The following ARRDC4 variants were observed in gnomAD, a reference collection of about 807,000 sequenced individuals.
ARRDC4 encodes the protein arrestin domain-containing protein 4.
ARRDC4 carries 40 observed loss-of-function variants against 44.6 expected under a neutral mutation model. That is an observed-to-expected ratio of 0.90 (90% CI 0.70 to 1.17). The LOEUF is 1.17. Among genes scored for constraint, ARRDC4 ranks in the 50% most tolerant of loss-of-function variants. The pLI is 0.00. For synonymous variants in ARRDC4, 211 were observed against 221.2 expected (o/e 0.95, Z 0.41); for missense variants, 550 against 559.1 (o/e 0.98, Z 0.16).
Position 97,970,540 on chromosome 15 carries a change from G to A in ARRDC4, c.1046-49G>A. On this transcript the variant is annotated intron_variant, in intron 6 of 7. Coordinates refer to ENST00000268042, the MANE Select transcript of ARRDC4 (RefSeq NM_183376.3). This position sits in a 1 kb window ranked among gnomAD's most constrained non-coding sequence, Gnocchi z 4.2. ...TGTTTTTGTAGCAGTTAAGAATCGA[G>A]ATTAATTTTTGAGTGGATTTCTTAA... is the stretch of plus-strand genomic sequence containing the variant. 6.4e-7 allele frequency: 1 copy of A among 1,557,194 alleles called. No individual in the cohort carries two copies. Among genetic ancestry groups the A allele is most frequent in the Non-Finnish European group, 8.8e-7 (1 of 1,142,320 alleles).
chr15:97,970,735 TATTCAGAGGTAAGC>T lies in ARRDC4; in HGVS notation c.1194_1200+7del, dbSNP rs1262932800. The T allele has an allele frequency of 6.2e-7, 1 of 1,608,756 alleles. No individual in the cohort carries two copies. ...ATTCCGGTTTCAACCCCCACCTCTT[TATTCAGAGGTAAGC>T]AAAGCAAAAGAAAATTAGACTTTTA... On this transcript the variant is annotated splice_donor_variant and splice_donor_5th_base_variant and coding_sequence_variant and intron_variant, in exon 7 of 8. Coordinates refer to ENST00000268042, the MANE Select transcript of ARRDC4 (RefSeq NM_183376.3). LOFTEE classifies it high-confidence loss of function. The surrounding 1 kb of genome is among the most constrained non-coding windows in gnomAD (Gnocchi z 4.2).
chr15:97,961,418 C>T (rs1472373149), intron 1 of ARRDC4, among the ~76,000 whole-genome samples: 1 of 151,980 alleles, frequency 6.6e-6, no homozygotes, highest in Non-Finnish European at 1.5e-5. Flanking sequence ...AGGACCGCGA[C>T]GGGAGGGGGC....
At chr15:97,964,541 A>T (rs1351261039) in intron 1 of ARRDC4, among the ~76,000 whole-genome samples, 1 of 152,210 alleles carries the variant, frequency 6.6e-6, no homozygotes, top group East Asian at 1.9e-4. Context: ...TGGTGCCTTC[A>T]TCAGAGGTTT....
intron 5 of ARRDC4, 56 bp downstream of exon 5, chr15:97,969,435 A>G: frequency 1.9e-6 from 3 of 1,578,548 alleles, no homozygotes; most frequent in South Asian, 2.2e-5. Context: ...AACTGATGTC[A>G]TGTTACTGTG....
Position 97,960,855 on chromosome 15 carries a change from C to T in ARRDC4, c.-7C>T, listed in dbSNP as rs939718188. The T allele has an allele frequency of 2.2e-6, 3 of 1,343,528 alleles. No individual in the cohort carries two copies. The highest frequency in any genetic ancestry group is 3.1e-5 in the East Asian group (1 of 31,998). 83.2% of individuals were successfully genotyped at this position (1,343,528 alleles called of 1,614,324 possible). A position where few individuals can be genotyped will look rare whatever the true frequency, so the allele number is the denominator to read the frequency against. ...ACCTCAGGGGCAGGAAAGAGTCGCCCGGCGGGATGGGCGGGGAGGCTGGGT... is the reference window on the plus strand; with the variant it reads ...ACCTCAGGGGCAGGAAAGAGTCGCCTGGCGGGATGGGCGGGGAGGCTGGGT... On this transcript the variant is annotated 5_prime_UTR_variant, in exon 1 of 8. Transcript: ENST00000268042.
In ARRDC4 at chr15:97,972,667, G is replaced by C. The variant is rs1596306509; in HGVS notation, c.*1480G>C. The C allele has an allele frequency of 2.0e-5, 3 of 152,620 alleles. No individual in the cohort carries two copies. The highest frequency in any genetic ancestry group is 7.2e-5 in the African/African-American group (3 of 41,520). The allele number at this position is 152,620 out of a possible 1,614,324, so 9.5% of individuals were successfully genotyped here. ...ACTTTGGTTTTCTTCATGTCCTAAG[G>C]GTTTGATCCAGAAACCCTGGTGCTT... On this transcript the variant is annotated 3_prime_UTR_variant, in exon 8 of 8. Coordinates refer to ENST00000268042, the MANE Select transcript of ARRDC4 (RefSeq NM_183376.3). The surrounding 1 kb of genome is among the most constrained non-coding windows in gnomAD (Gnocchi z 5.3).
chr15:97,963,173 A>G (rs1280522739), intron 1 of ARRDC4, among the ~76,000 whole-genome samples: 1 of 152,114 alleles, frequency 6.6e-6, no homozygotes, highest in Non-Finnish European at 1.5e-5. Context: ...ACCTTTAATT[A>G]TGAGCTTTGG....
intron 1 of ARRDC4, 96 bp downstream of exon 1, chr15:97,961,264 T>G (rs1472013957): frequency 6.0e-6 from 7 of 1,167,382 alleles, no homozygotes; most frequent in African/African-American, 1.6e-5. Context: ...ACCTGGCAGG[T>G]GAGATCAGGG....
Position 97,970,708 on chromosome 15 carries a change from G to A in ARRDC4, c.1165G>A (p.Glu389Lys), listed in dbSNP as rs201615841. 1.2e-4 allele frequency: 195 copies of A among 1,613,454 alleles called. No homozygotes were observed. The highest frequency in any genetic ancestry group is 1.6e-4 in the Non-Finnish European group (185 of 1,179,634). The part of the protein sequence containing the change: ...VCCPVFACIQ[E>K]FRFQPPPLYS... ...CTGTCCTGTGTTTGCCTGTATACAAGAATTCCGGTTTCAACCCCCACCTCT... is the reference window on the plus strand; with the variant it reads ...CTGTCCTGTGTTTGCCTGTATACAAAAATTCCGGTTTCAACCCCCACCTCT... The change falls in exon 7 of 8, where the codon GAA becomes AAA. Residue 389 changes from glutamate to lysine, a missense_variant. Transcript: ENST00000268042. The surrounding 1 kb of genome is among the most constrained non-coding windows in gnomAD (Gnocchi z 4.2).
Position 97,971,487 on chromosome 15 carries a change from G to A in ARRDC4, c.*300G>A, listed in dbSNP as rs1470352119. On this transcript the variant is annotated 3_prime_UTR_variant, in exon 8 of 8. Coordinates refer to ENST00000268042, the MANE Select transcript of ARRDC4 (RefSeq NM_183376.3). ...TAAGTGAAAGGGTGCCTGCGCTGAC[G>A]TGAGAGAAAGGAATCTGTAAACAGT... 2 of 358,946 alleles carry A rather than the reference G, an allele frequency of 5.6e-6. No homozygotes were observed. Among genetic ancestry groups the A allele is most frequent in the African/African-American group, 2.1e-5 (1 of 47,838 alleles). 22.2% of individuals were successfully genotyped at this position (358,946 alleles called of 1,614,324 possible).
At position 97,966,400 on chromosome 15, in the gene ARRDC4, T is replaced by C. The variant is rs539734839; in HGVS notation, c.522+358T>C. ...GGCCACATTTACAGGACTGGGGTAT[T>C]CTAAACTCCTCAATAATAGCAGGTT... On this transcript the variant is annotated intron_variant, in intron 3 of 7. Coordinates refer to ENST00000268042, the MANE Select transcript of ARRDC4 (RefSeq NM_183376.3). The surrounding 1 kb of genome is among the most constrained non-coding windows in gnomAD (Gnocchi z 4.7). 6.6e-6 allele frequency among the ~76,000 whole-genome samples: 1 copy of C among 152,268 alleles called. No individual in the cohort carries two copies. Among genetic ancestry groups the C allele is most frequent in the Admixed American group, 6.5e-5 (1 of 15,288 alleles).
At position 97,966,127 on chromosome 15, in the gene ARRDC4, C is replaced by T; in HGVS notation, c.522+85C>T. The T allele has an allele frequency of 6.8e-7, 1 of 1,460,766 alleles. No individual in the cohort carries two copies. Among genetic ancestry groups the T allele is most frequent in the East Asian group, 2.4e-5 (1 of 41,436 alleles). 90.5% of individuals were successfully genotyped at this position (1,460,766 alleles called of 1,614,324 possible). On this transcript the variant is annotated intron_variant, in intron 3 of 7. Coordinates refer to ENST00000268042, the MANE Select transcript of ARRDC4 (RefSeq NM_183376.3). This position sits in a 1 kb window ranked among gnomAD's most constrained non-coding sequence, Gnocchi z 4.7. ...TTTCAACAGTGGGATCTATATTTAGCCAGTTTACTGGTAGTCTGTCCTGTC... is the reference window on the plus strand; with the variant it reads ...TTTCAACAGTGGGATCTATATTTAGTCAGTTTACTGGTAGTCTGTCCTGTC...
intron 4 of ARRDC4, 73 bp from the exon 5 acceptor site, chr15:97,969,050 A>G: frequency 6.8e-7 from 1 of 1,461,776 alleles, no homozygotes. Flanking sequence ...TTTCAGCTAT[A>G]CGGCCCTAAT....
At position 97,965,664 on chromosome 15, in the gene ARRDC4, T is replaced by C. The variant is rs1313081199; in HGVS notation, c.372T>C (p.Ser124=). ...TTCCATTTCGCTTTCAACTTCCATC[T>C]GAGTAAGTGAAACACTACAATTTTG... is the stretch of plus-strand genomic sequence containing the variant. ...HEFPFRFQLP[S]EPLVTSFTGK... is the part of the protein sequence containing the mutation. Residue 124 remains serine, a splice_region_variant and synonymous_variant, in exon 2 of 8, where the codon TCT becomes TCC. Coordinates refer to ENST00000268042, the MANE Select transcript of ARRDC4 (RefSeq NM_183376.3). This position sits in a 1 kb window ranked among gnomAD's most constrained non-coding sequence, Gnocchi z 5.1. 5.0e-6 allele frequency: 8 copies of C among 1,612,740 alleles called. No individual in the cohort carries two copies. Among genetic ancestry groups the C allele is most frequent in the Non-Finnish European group, 5.9e-6 (7 of 1,178,748 alleles).
At chr15:97,961,750 T>C (rs1161481407) in intron 1 of ARRDC4, among the ~76,000 whole-genome samples, 2 of 152,158 alleles carry the variant, frequency 1.3e-5, no homozygotes, top group Admixed American at 6.5e-5. Context: ...TACCTCTACC[T>C]GATACTGCTG....
In ARRDC4 at chr15:97,970,660, CCTAA is replaced by C. The variant is rs555699515; in HGVS notation, c.1120_1123del (p.Asn374ValfsTer34). On this transcript the variant is annotated frameshift_variant, in exon 7 of 8. Transcript: ENST00000268042. LOFTEE classifies it high-confidence loss of function. This position sits in a 1 kb window ranked among gnomAD's most constrained non-coding sequence, Gnocchi z 4.2. Reference sequence around the variant, plus strand: ...ACACATTCCTCCTTACCCTCAACCCCCTAACTGTGAGGGAGAAGTGTGCTGTCCT... The same window carrying C: ...ACACATTCCTCCTTACCCTCAACCCCCTGTGAGGGAGAAGTGTGCTGTCCT... 1.0e-4 allele frequency: 163 copies of C among 1,613,398 alleles called. No homozygotes were observed. The African/African-American group carries it at 2.0e-3, about 20-fold the overall frequency.
chr15:97,962,203 A>G (rs1018860275), intron 1 of ARRDC4, among the ~76,000 whole-genome samples: 7 of 152,292 alleles, frequency 4.6e-5, no homozygotes, highest in South Asian at 2.1e-4. Flanking sequence ...GTTTTGCCCT[A>G]TCCTACTGTG....
At position 97,968,218 on chromosome 15, in the gene ARRDC4, T is replaced by C; in HGVS notation, c.625+102T>C. ...GTTTTTTGTAATTATATGACGTGTA[T>C]AGTATTTTAAAACATGAATAGTGAT... On this transcript the variant is annotated intron_variant, in intron 4 of 7. Transcript: ENST00000268042. The surrounding 1 kb of genome is among the most constrained non-coding windows in gnomAD (Gnocchi z 5.4). 1 of 596,506 alleles carries C rather than the reference T, an allele frequency of 1.7e-6. No individual in the cohort carries two copies. Among genetic ancestry groups the C allele is most frequent in the Middle Eastern group, 3.9e-4 (1 of 2,548 alleles). The allele number at this position is 596,506 out of a possible 1,614,324, so 37.0% of individuals were successfully genotyped here. A position where few individuals can be genotyped will look rare whatever the true frequency, so the allele number is the denominator to read the frequency against.
At chr15:97,969,772 A>T in intron 5 of ARRDC4, 111 bp from the exon 6 acceptor site, 1 of 976,480 alleles carries the variant, frequency 1.0e-6, no homozygotes, top group Non-Finnish European at 1.5e-6. Flanking sequence ...GGGTGGTGGC[A>T]GCCGACAAAA....
Sources: allele counts gnomAD v4.1 joint callset (sites outside exome capture counted in the v4.1 genomes callset), GRCh38; gene constraint gnomAD v4.1.1; non-coding constraint Gnocchi (gnomAD v3.1); transcripts MANE v1.5; gene names NCBI Gene and HGNC (gene_info 2026-07-23, HGNC 2026-07-21).